Variants in RBFOX1 observed in about 807,000 individuals in gnomAD.
RBFOX1 encodes the protein RNA binding fox-1 homolog 1.
A neutral mutation model predicts 57.7 loss-of-function variants in RBFOX1; 8 were observed. That is an observed-to-expected ratio of 0.14 (90% confidence interval 0.08 to 0.25). The LOEUF is 0.25. Among genes scored for constraint, RBFOX1 ranks in the 10% least tolerant of loss-of-function variants. RBFOX1 has a pLI of 1.00. For missense variants in RBFOX1, 611 were observed against 548.5 expected, an observed-to-expected ratio of 1.11 and a Z score of -1.14; for synonymous variants, 326 against 222.4, an observed-to-expected ratio of 1.47 and a Z score of -4.15.
At chr16:5,950,105 C>A (rs759801682) in intron 4 of RBFOX1, among the ~76,000 whole-genome samples, 3 of 152,196 alleles carry the variant, frequency 2.0e-5, no homozygotes, top group Non-Finnish European at 4.4e-5. Context: ...CAGTCTTCTG[C>A]AATGTAGAGA....
chr16:6,141,122 T>A (rs1327763240), intron 1 of RBFOX1, among the ~76,000 whole-genome samples: 1 of 152,160 alleles, frequency 6.6e-6, no homozygotes, highest in African/African-American at 2.4e-5. Context: ...TAAATGGAGG[T>A]GGTGCTCCTG....
chr16:5,464,549 A>G (rs546548106), intron 1 of RBFOX1, among the ~76,000 whole-genome samples: 1 of 152,368 alleles, frequency 6.6e-6, no homozygotes, highest in African/African-American at 2.4e-5. Flanking sequence ...TCCTTGCATC[A>G]TCTCCTTCTC....
chr16:7,075,276 A>G (rs113417418), intron 4 of RBFOX1, among the ~76,000 whole-genome samples: 52 of 152,322 alleles, frequency 3.4e-4, no homozygotes, highest in African/African-American at 1.2e-3. Flanking sequence ...CCGTCTTCAA[A>G]TGCAAGCAGT....
At chr16:6,568,003 G>C (rs1365726449) in intron 2 of RBFOX1, among the ~76,000 whole-genome samples, 1 of 152,042 alleles carries the variant, frequency 6.6e-6, no homozygotes, top group South Asian at 2.1e-4. Context: ...TAAATTCTTT[G>C]TAGAGGTAGG....
chr16:7,560,996 C>A (rs751225653), intron 5 of RBFOX1, among the ~76,000 whole-genome samples: 4 of 152,160 alleles, frequency 2.6e-5, no homozygotes, highest in Non-Finnish European at 5.9e-5. Flanking sequence ...GTGGTTTATT[C>A]ATTTCTCCTC....
intron 2 of RBFOX1, among the ~76,000 whole-genome samples, chr16:6,501,131 C>CTTTTTTTTTT (rs1003003339): frequency 1.8e-4 from 19 of 107,912 alleles, no homozygotes; most frequent in Non-Finnish European, 2.5e-4. Context: ...GTTAAACATT[C>CTTTTTTTTTT]TTTTTTTTTT....
chr16:6,979,479 A>C (rs74010416), intron 3 of RBFOX1, among the ~76,000 whole-genome samples: 4,386 of 152,226 alleles, frequency 0.029, 210 homozygotes, highest in African/African-American at 0.1. Context: ...TTCCCCCAGT[A>C]CCTTTCTATT....
chr16:6,509,170 C>T lies in RBFOX1; in HGVS notation c.-63-145433C>T, dbSNP rs548932915. Among the ~76,000 whole-genome samples the T allele has an allele frequency of 3.3e-5, 5 of 152,256 alleles. No homozygotes were observed. The South Asian group carries it at 1.0e-3, about 32-fold the overall frequency. Reference sequence around the variant, plus strand: ...TAACCTTTAATGCAGAGAGGATCTTCCAGTAAAATCCCATTATCTGGTAAA... The same window carrying T: ...TAACCTTTAATGCAGAGAGGATCTTTCAGTAAAATCCCATTATCTGGTAAA... On this transcript the variant is annotated intron_variant, in intron 2 of 15. Coordinates refer to ENST00000550418, the MANE Select transcript of RBFOX1 (RefSeq NM_018723.4).
chr16:6,779,057 A>G (rs892961128), intron 3 of RBFOX1, among the ~76,000 whole-genome samples: 1 of 152,042 alleles, frequency 6.6e-6, no homozygotes, highest in African/African-American at 2.4e-5. Context: ...TATACAATGC[A>G]TTATTGTTAA....
chr16:6,800,111 C>G (rs1035532342), intron 3 of RBFOX1, among the ~76,000 whole-genome samples: 4 of 152,124 alleles, frequency 2.6e-5, no homozygotes, highest in African/African-American at 9.7e-5. Context: ...TTGTCTTATG[C>G]AGATGTATTA....
intron 3 of RBFOX1, among the ~76,000 whole-genome samples, chr16:5,754,188 C>T (rs2053315494): frequency 6.6e-6 from 1 of 152,196 alleles, no homozygotes; most frequent in African/African-American, 2.4e-5. Context: ...TTGAATCCCA[C>T]CTCTGCCACA....
chr16:5,885,553 C>A (rs1169981163), intron 4 of RBFOX1, among the ~76,000 whole-genome samples: 1 of 152,114 alleles, frequency 6.6e-6, no homozygotes, highest in Non-Finnish European at 1.5e-5. Context: ...TTTCCTTCCT[C>A]AAAGTGATGG....
intron 4 of RBFOX1, among the ~76,000 whole-genome samples, chr16:7,227,125 G>C (rs1006095208): frequency 2.0e-5 from 3 of 152,160 alleles, no homozygotes; most frequent in African/African-American, 4.8e-5. Flanking sequence ...AGATATTTGA[G>C]TTTGAAAATC....
At chr16:7,275,922 C>G (rs1473010739) in intron 4 of RBFOX1, among the ~76,000 whole-genome samples, 1 of 152,152 alleles carries the variant, frequency 6.6e-6, no homozygotes, top group African/African-American at 2.4e-5. Flanking sequence ...GCTGACTCCC[C>G]TTAGAAGTAA....
At chr16:7,213,308 C>T (rs765257934) in intron 4 of RBFOX1, among the ~76,000 whole-genome samples, 7 of 152,128 alleles carry the variant, frequency 4.6e-5, no homozygotes, top group Admixed American at 3.3e-4. Context: ...TAAAAAATCA[C>T]GTTGCATGGA....
chr16:6,086,184 T>C (rs1294192386), intron 1 of RBFOX1, among the ~76,000 whole-genome samples: 5 of 152,194 alleles, frequency 3.3e-5, no homozygotes, highest in Admixed American at 1.3e-4. Context: ...TAGTATTCCA[T>C]GGTGTATAGG....
rs2045388778 is a variant in RBFOX1, at chr16:7,039,096, C to T, written c.-15-12961C>T. ...TTGTCCTGCCTGGGAGATAGCACCC[C>T]ATAGGTCATTCGAGTGCTAAGAATA... On this transcript the variant is annotated intron_variant, in intron 3 of 15. Coordinates refer to ENST00000550418, the MANE Select transcript of RBFOX1 (RefSeq NM_018723.4). 2.0e-5 allele frequency among the ~76,000 whole-genome samples: 3 copies of T among 152,150 alleles called. No individual in the cohort carries two copies. The South Asian group carries it at 6.2e-4, about 31-fold the overall frequency.
intron 4 of RBFOX1, among the ~76,000 whole-genome samples, chr16:5,876,568 C>T (rs912579137): frequency 6.6e-6 from 1 of 152,162 alleles, no homozygotes; most frequent in African/African-American, 2.4e-5. Context: ...TCTTCCAAGG[C>T]TTCCCCTGCT....
At chr16:7,046,079 T>C (rs58510530) in intron 3 of RBFOX1, among the ~76,000 whole-genome samples, 19,134 of 152,246 alleles carry the variant, frequency 0.13, 2,094 homozygotes, top group East Asian at 0.29. Flanking sequence ...AAATGCCCTG[T>C]ATGTCACAAA....
Sources: gnomAD v4.1 joint callset for allele counts (sites outside exome capture counted in the v4.1 genomes callset) on GRCh38, gnomAD v4.1.1 for gene constraint, MANE v1.5 for transcripts, NCBI Gene and HGNC (gene_info 2026-07-23, HGNC 2026-07-21) for gene names.